GTPBP1: variants seen among roughly 807,000 people sequenced by gnomAD.
GTPBP1 encodes the protein GTP-binding protein 1.
Under a neutral mutation model 62.0 loss-of-function variants are expected in GTPBP1, and 23 were observed. The observed-to-expected ratio is 0.37, with a 90% confidence interval of 0.27 to 0.53. GTPBP1 has a LOEUF of 0.53. Ranked by LOEUF, GTPBP1 falls within the 20% of genes least tolerant of loss-of-function variation. The probability of loss-of-function intolerance (pLI) is 0.89; values close to 1 mark genes in which losing one functional copy is unlikely to be tolerated. For synonymous variants in GTPBP1, 344 were observed against 364.4 expected, an observed-to-expected ratio of 0.94 and a Z score of 0.64; for missense variants, 640 against 917.3, an observed-to-expected ratio of 0.70 and a Z score of 3.90.
In GTPBP1 at chr22:38,716,850, T is replaced by C; in HGVS notation, c.684T>C (p.Pro228=). Residue 228 remains proline, a synonymous_variant, in exon 4 of 12, where the codon CCT becomes CCC. Transcript: ENST00000216044. This position sits in a 1 kb window ranked among gnomAD's most constrained non-coding sequence, Gnocchi z 5.2. The part of the protein sequence containing the change: ...FDSEGNVVNK[P]DSHGGSLEWT... ...GTGAAGGCAATGTAGTGAACAAGCCTGACAGCCACGGCGGCAGCCTGGAGT... is the reference window on the plus strand; with the variant it reads ...GTGAAGGCAATGTAGTGAACAAGCCCGACAGCCACGGCGGCAGCCTGGAGT... 1 of 1,614,158 alleles carries C rather than the reference T, an allele frequency of 6.2e-7. No homozygotes were observed. The highest frequency in any genetic ancestry group is 8.5e-7 in the Non-Finnish European group (1 of 1,179,990).
intron 5 of GTPBP1, among the ~76,000 whole-genome samples, chr22:38,722,189 A>T (rs1025546842): frequency 6.6e-6 from 1 of 152,236 alleles, no homozygotes; most frequent in African/African-American, 2.4e-5. Context: ...TAAACTATAA[A>T]TTTCAAGCAT....
At position 38,707,870 on chromosome 22, in the gene GTPBP1, C is replaced by T. The variant is rs567371655; in HGVS notation, c.193-975C>T. Among the ~76,000 whole-genome samples, 4 of 152,014 alleles carry T rather than the reference C, an allele frequency of 2.6e-5. No homozygotes were observed. The South Asian group carries it at 8.3e-4, about 32-fold the overall frequency. On this transcript the variant is annotated intron_variant, in intron 1 of 11. Transcript: ENST00000216044. Reference sequence around the variant, plus strand: ...AGGGTTGGGTTGAATAGATTGATTCCGGAGGAACAGATTAGAAGCGAAAGG... The same window carrying T: ...AGGGTTGGGTTGAATAGATTGATTCTGGAGGAACAGATTAGAAGCGAAAGG...
downstream of GTPBP1, chr22:38,737,708 GC>G (rs2092818390): frequency 1.4e-5 from 5 of 359,856 alleles, no homozygotes; most frequent in South Asian, 1.0e-4. This position sits in a 1 kb window ranked among gnomAD's most constrained non-coding sequence, Gnocchi z 4.1. Flanking sequence ...GGTCCTGTCA[GC>G]CCTAAGGAAC....
In GTPBP1 at chr22:38,708,762, C is replaced by G. The variant is rs2092621018; in HGVS notation, c.193-83C>G. The G allele has an allele frequency of 3.7e-6, 3 of 804,578 alleles. No individual in the cohort carries two copies. In the East Asian group the frequency reaches 7.4e-5, roughly 20 times the overall value. The allele number at this position is 804,578 out of a possible 1,614,324, so 49.8% of individuals were successfully genotyped here. A position where few individuals can be genotyped will look rare whatever the true frequency, so the allele number is the denominator to read the frequency against. On this transcript the variant is annotated intron_variant, in intron 1 of 11. Coordinates refer to ENST00000216044, the MANE Select transcript of GTPBP1 (RefSeq NM_004286.5). ...GGGTGCTATGGGGTTCAGTCAGGAT[C>G]TTTGGTTAGGCTATATTGATCAGCT...
Position 38,730,755 on chromosome 22 carries a change from C to A in GTPBP1, c.*51C>A. ...CCCAAGGGGTCATCATCTCTGGCCACCACTCCACCAGATGGGCAGAGCAGC... is the reference window on the plus strand; with the variant it reads ...CCCAAGGGGTCATCATCTCTGGCCAACACTCCACCAGATGGGCAGAGCAGC... On this transcript the variant is annotated 3_prime_UTR_variant, in exon 12 of 12. Transcript: ENST00000216044. The surrounding 1 kb of genome is among the most constrained non-coding windows in gnomAD (Gnocchi z 5.6). The A allele has an allele frequency of 1.0e-6, 1 of 991,078 alleles. No homozygotes were observed. The highest frequency in any genetic ancestry group is 1.5e-6 in the Non-Finnish European group (1 of 670,462). The allele number at this position is 991,078 out of a possible 1,614,324, so 61.4% of individuals were successfully genotyped here. A position where few individuals can be genotyped will look rare whatever the true frequency, so the allele number is the denominator to read the frequency against.
downstream of GTPBP1, chr22:38,741,089 C>G: frequency 6.4e-7 from 1 of 1,572,882 alleles, no homozygotes. Flanking sequence ...AAATACTCAT[C>G]TCAGAAATTG....
At chr22:38,715,805 G>A (rs887670004) in intron 2 of GTPBP1, 102 bp from the exon 3 acceptor site, 5 of 864,806 alleles carry the variant, frequency 5.8e-6, no homozygotes, top group African/African-American at 3.4e-5. Flanking sequence ...TGCTGGGGTC[G>A]GGGGGTGGTG....
Position 38,724,396 on chromosome 22 carries a change from A to G in GTPBP1, c.1058A>G (p.Asn353Ser). Residue 353 changes from asparagine (N) to serine (S), a missense_variant, in exon 6 of 12, where the codon AAC becomes AGC. Physicochemically the swap from Asn to Ser is conservative, Grantham distance 46. Around this residue, in one of 4 missense-constraint regions of GTPBP1, gnomAD observed 220 missense variants for 358.1 expected, o/e 0.61. Transcript: ENST00000216044. ...GATGATGTGATTGTCACAGCCTCCA[A>G]CTTCAGCTCTGAAAGGTAACGCGTG... ...SKDDVIVTAS[N>S]FSSERMCPIF... 2 of 1,606,210 alleles carry G rather than the reference A, an allele frequency of 1.2e-6. No individual in the cohort carries two copies. Among genetic ancestry groups the G allele is most frequent in the Non-Finnish European group, 1.7e-6 (2 of 1,172,802 alleles).
intron 1 of GTPBP1, among the ~76,000 whole-genome samples, chr22:38,708,472 A>G (rs1313072122): frequency 6.6e-6 from 1 of 152,198 alleles, no homozygotes; most frequent in Non-Finnish European, 1.5e-5. Flanking sequence ...GTGGGCTTCC[A>G]GATGCCAACT....
Position 38,727,112 on chromosome 22 carries a change from G to A in GTPBP1, c.1402-101G>A, listed in dbSNP as rs1442345897. The stretch of plus-strand genomic sequence containing the variant: ...TTGGTGAGGAAACCAGGCAGAGTTG[G>A]GGTGGTCCCTATCCCTAGAAAGACT... On this transcript the variant is annotated intron_variant, in intron 8 of 11. Transcript: ENST00000216044. The surrounding 1 kb of genome is among the most constrained non-coding windows in gnomAD (Gnocchi z 6.5). 1 of 1,166,504 alleles carries A rather than the reference G, an allele frequency of 8.6e-7. No individual in the cohort carries two copies. Among genetic ancestry groups the A allele is most frequent in the Admixed American group, 2.8e-5 (1 of 36,146 alleles). 72.3% of individuals were successfully genotyped at this position (1,166,504 alleles called of 1,614,324 possible). A position where few individuals can be genotyped will look rare whatever the true frequency, so the allele number is the denominator to read the frequency against.
At chr22:38,717,076 G>A in intron 4 of GTPBP1, 76 bp downstream of exon 4, 2 of 894,570 alleles carry the variant, frequency 2.2e-6, no homozygotes, top group South Asian at 1.5e-5. Context: ...GTCTGAAACT[G>A]TTCTGAGACT....
intron 1 of GTPBP1, among the ~76,000 whole-genome samples, 179 bp downstream of exon 1, chr22:38,706,326 C>T (rs1466052475): frequency 6.6e-6 from 1 of 152,196 alleles, no homozygotes; most frequent in Non-Finnish European, 1.5e-5. Context: ...CGCGAGGGGC[C>T]GTCCCCATGG....
At chr22:38,739,470 G>T (rs776125269), downstream of GTPBP1, 2 of 1,600,368 alleles carry the variant, frequency 1.2e-6, no homozygotes, top group East Asian at 4.5e-5. This position sits in a 1 kb window ranked among gnomAD's most constrained non-coding sequence, Gnocchi z 6.7. Flanking sequence ...GGGAGCAGAC[G>T]TGTCCCCCTG....
chr22:38,736,408 C>G (rs777653948), downstream of GTPBP1: 15 of 1,578,760 alleles, frequency 9.5e-6, no homozygotes, highest in Admixed American at 2.1e-4. Context: ...GGATTAAGAG[C>G]ATCAGAGACC....
Position 38,727,416 on chromosome 22 carries a change from A to G in GTPBP1, c.1537+68A>G. On this transcript the variant is annotated intron_variant, in intron 9 of 11. Coordinates refer to ENST00000216044, the MANE Select transcript of GTPBP1 (RefSeq NM_004286.5). This position sits in a 1 kb window ranked among gnomAD's most constrained non-coding sequence, Gnocchi z 6.5. ...AGCTCCCCTCAGAAGGTGTTCCAGC[A>G]ACCCAGGCCCCCTAGTTCCAGCTGC... The G allele has an allele frequency of 7.0e-7, 1 of 1,423,990 alleles. No homozygotes were observed. The highest frequency in any genetic ancestry group is 1.5e-5 in the South Asian group (1 of 67,834). The allele number at this position is 1,423,990 out of a possible 1,614,324, so 88.2% of individuals were successfully genotyped here.
At chr22:38,718,149 G>C (rs989858953) in intron 4 of GTPBP1, among the ~76,000 whole-genome samples, 1 of 152,138 alleles carries the variant, frequency 6.6e-6, no homozygotes, top group Non-Finnish European at 1.5e-5. Context: ...CTTCAATGTT[G>C]CAAAGGGCCA....
At chr22:38,722,154 G>A (rs2092703759) in intron 5 of GTPBP1, among the ~76,000 whole-genome samples, 1 of 152,120 alleles carries the variant, frequency 6.6e-6, no homozygotes, top group Non-Finnish European at 1.5e-5. Flanking sequence ...GTTAGCTAAT[G>A]AATAAAATAA....
At chr22:38,711,381 C>T (rs2092638395) in intron 2 of GTPBP1, among the ~76,000 whole-genome samples, 1 of 152,076 alleles carries the variant, frequency 6.6e-6, no homozygotes, top group African/African-American at 2.4e-5. Context: ...GACTCTTTTC[C>T]TTGTCTTAAA....
chr22:38,712,944 G>A (rs1972384475), intron 2 of GTPBP1, among the ~76,000 whole-genome samples: 2 of 152,216 alleles, frequency 1.3e-5, no homozygotes, highest in African/African-American at 4.8e-5. Context: ...GAAAGGCACT[G>A]GTTGTGGGGC....
Sources: allele counts gnomAD v4.1 joint callset (sites outside exome capture counted in the v4.1 genomes callset), GRCh38; gene constraint gnomAD v4.1.1; regional missense constraint gnomAD v4.1.1; non-coding constraint Gnocchi (gnomAD v3.1); transcripts MANE v1.5; gene names NCBI Gene and HGNC (gene_info 2026-07-23, HGNC 2026-07-21).